The following ZEB1 variants were observed in gnomAD, a reference collection of about 807,000 sequenced individuals.
ZEB1 encodes zinc finger E-box-binding homeobox 1.
A neutral mutation model predicts 84.9 loss-of-function variants in ZEB1; 21 were observed. The ratio of observed to expected loss-of-function variants is 0.25; its 90% CI spans 0.18 to 0.36. The LOEUF (loss-of-function observed/expected upper bound fraction) is 0.36. Among genes scored for constraint, ZEB1 ranks in the 10% least tolerant of loss-of-function variants. ZEB1 has a pLI of 1.00. For synonymous variants in ZEB1, 420 were observed against 471.1 expected (o/e 0.89, Z 1.41); for missense variants, 1,104 against 1,330.2 (o/e 0.83, Z 2.65).
At chr10:31,421,449 C>T (rs1305585335) in intron 1 of ZEB1, among the ~76,000 whole-genome samples, 1 of 152,148 alleles carries the variant, frequency 6.6e-6, no homozygotes, top group African/African-American at 2.4e-5. Flanking sequence ...CATCTGCTAT[C>T]TAGCAAAATT....
chr10:31,364,161 A>T (rs964683229), intron 1 of ZEB1, among the ~76,000 whole-genome samples: 3 of 152,204 alleles, frequency 2.0e-5, no homozygotes, highest in Non-Finnish European at 2.9e-5. Flanking sequence ...AGTTTATGAC[A>T]TCACTATGGG....
At chr10:31,435,777 T>G (rs925316171) in intron 1 of ZEB1, among the ~76,000 whole-genome samples, 9 of 152,140 alleles carry the variant, frequency 5.9e-5, no homozygotes, top group Admixed American at 5.2e-4. Context: ...GGAAAGCCAT[T>G]GAAAGGTTTT....
At chr10:31,493,131 G>A (rs909168620) in intron 2 of ZEB1, among the ~76,000 whole-genome samples, 36 of 151,772 alleles carry the variant, frequency 2.4e-4, no homozygotes, top group African/African-American at 7.7e-4. Flanking sequence ...CTACCTTGCC[G>A]CATTCCTTAC....
chr10:31,432,297 A>G (rs2057806712), intron 1 of ZEB1, among the ~76,000 whole-genome samples: 1 of 152,214 alleles, frequency 6.6e-6, no homozygotes. Flanking sequence ...AATTTAATTA[A>G]CTAATTTAAG....
chr10:31,461,235 A>G lies in ZEB1; in HGVS notation c.257A>G (p.Asp86Gly). Reference protein sequence around the residue: ...EGNAKNCWEDDTGKEGQEILG... With the variant: ...EGNAKNCWEDGTGKEGQEILG... ...AATGCTAAGAACTGCTGGGAGGATG[A>G]CAGTAAGTCTGATTTTTTTTTGTAA... Residue 86 changes from aspartate to glycine, a missense_variant and splice_region_variant, in exon 2 of 9, where the codon GAC (aspartate) becomes GGC (glycine). Coordinates refer to ENST00000424869, the MANE Select transcript of ZEB1 (RefSeq NM_001174096.2). The G allele has an allele frequency of 6.2e-7, 1 of 1,611,060 alleles. No homozygotes were observed. The highest frequency in any genetic ancestry group is 8.5e-7 in the Non-Finnish European group (1 of 1,178,392).
intron 1 of ZEB1, among the ~76,000 whole-genome samples, chr10:31,341,432 T>A (rs1408778119): frequency 6.6e-6 from 1 of 152,112 alleles, no homozygotes; most frequent in Non-Finnish European, 1.5e-5. Context: ...GGGATAGCGA[T>A]GACACCAAAC....
At chr10:31,441,587 C>T (rs892387251) in intron 1 of ZEB1, among the ~76,000 whole-genome samples, 1 of 152,076 alleles carries the variant, frequency 6.6e-6, no homozygotes, top group Non-Finnish European at 1.5e-5. Flanking sequence ...AGCTTCTGCA[C>T]AGCAAAAGAA....
At chr10:31,477,576 G>A (rs2064404460) in intron 2 of ZEB1, among the ~76,000 whole-genome samples, 1 of 151,944 alleles carries the variant, frequency 6.6e-6, no homozygotes, top group Non-Finnish European at 1.5e-5. Context: ...AAAGAACAAA[G>A]CCAGAGACAT....
At chr10:31,461,294 A>C in intron 2 of ZEB1, 57 bp downstream of exon 2, 1 of 1,488,744 alleles carries the variant, frequency 6.7e-7, no homozygotes, top group South Asian at 1.2e-5. Flanking sequence ...TTTAAAATAT[A>C]TATTAACTGA....
At chr10:31,361,434 AAAGT>A (rs2043046771) in intron 1 of ZEB1, among the ~76,000 whole-genome samples, 1 of 152,198 alleles carries the variant, frequency 6.6e-6, no homozygotes, top group South Asian at 2.1e-4. Flanking sequence ...TTTAAATTAA[AAAGT>A]AAACTTTAAT....
chr10:31,374,434 C>A (rs548212337), intron 1 of ZEB1, among the ~76,000 whole-genome samples: 130 of 151,928 alleles, frequency 8.6e-4, no homozygotes, highest in Non-Finnish European at 1.4e-3. Context: ...GTAATTCATA[C>A]TTGTATAGTC....
intron 2 of ZEB1, among the ~76,000 whole-genome samples, chr10:31,481,587 G>A (rs957479566): frequency 6.6e-5 from 10 of 151,900 alleles, no homozygotes; most frequent in African/African-American, 2.4e-4. Flanking sequence ...TACTCGGGAG[G>A]CTGAGGCAGG....
rs201712107 is a variant in ZEB1, at chr10:31,475,218, GAA to G, written c.259+13991_259+13992del. Reference sequence around the variant, plus strand: ...TAAAACTTAAAGTATAATAATAAAAGAAAAAAAAAAACAAATTAACCCAATCA... The same window carrying G: ...TAAAACTTAAAGTATAATAATAAAAGAAAAAAAAACAAATTAACCCAATCA... On this transcript the variant is annotated intron_variant, in intron 2 of 8. Coordinates refer to ENST00000424869, the MANE Select transcript of ZEB1 (RefSeq NM_001174096.2). 8.1e-3 allele frequency among the ~76,000 whole-genome samples: 1,123 copies of G among 138,690 alleles called. 95 individuals are homozygous for G. The East Asian group carries it at 0.19, about 23-fold the overall frequency. 91.0% of individuals were successfully genotyped at this position (138,690 alleles called of 152,430 possible).
At chr10:31,410,636 G>A (rs958788139) in intron 1 of ZEB1, among the ~76,000 whole-genome samples, 1 of 152,052 alleles carries the variant, frequency 6.6e-6, no homozygotes, top group Non-Finnish European at 1.5e-5. Flanking sequence ...TCTGGTCCTG[G>A]GCTTTTTTTG....
intron 1 of ZEB1, among the ~76,000 whole-genome samples, chr10:31,351,857 T>C (rs1046797525): frequency 1.3e-5 from 2 of 152,178 alleles, no homozygotes; most frequent in Non-Finnish European, 2.9e-5. Flanking sequence ...TTCTGTCAAC[T>C]GGAAATTTTT....
intron 1 of ZEB1, among the ~76,000 whole-genome samples, chr10:31,334,857 C>A: frequency 6.6e-6 from 1 of 151,924 alleles, no homozygotes; most frequent in East Asian, 1.9e-4. Flanking sequence ...AAATGGAATA[C>A]CCTTAAAACA....
chr10:31,334,542 A>G (rs935104130), intron 1 of ZEB1, among the ~76,000 whole-genome samples: 6 of 146,980 alleles, frequency 4.1e-5, no homozygotes, highest in East Asian at 3.8e-4. Context: ...TAAGAATTAG[A>G]AAAAAAGCAT....
At chr10:31,351,555 G>A (rs1408737353) in intron 1 of ZEB1, among the ~76,000 whole-genome samples, 4 of 151,904 alleles carry the variant, frequency 2.6e-5, no homozygotes, top group African/African-American at 7.3e-5. Flanking sequence ...TTGGAATTAC[G>A]CTAGATTATT....
chr10:31,434,430 T>G (rs1482313935), intron 1 of ZEB1, among the ~76,000 whole-genome samples: 1 of 152,238 alleles, frequency 6.6e-6, no homozygotes, highest in African/African-American at 2.4e-5. Flanking sequence ...AATACGAAGC[T>G]GAGACATATC....
Sources: allele counts gnomAD v4.1 joint callset (sites outside exome capture counted in the v4.1 genomes callset), GRCh38; gene constraint gnomAD v4.1.1; transcripts MANE v1.5; gene names NCBI Gene and HGNC (gene_info 2026-07-23, HGNC 2026-07-21).